Variants in ARID4B observed in about 807,000 individuals in gnomAD.
The protein encoded by ARID4B is AT-rich interactive domain-containing protein 4B.
ARID4B carries 26 observed loss-of-function variants against 147.5 expected under a neutral mutation model. The observed-to-expected ratio is 0.18, with a 90% CI of 0.13 to 0.24. The LOEUF (loss-of-function observed/expected upper bound fraction) is 0.24. ARID4B is among the 10% of genes least tolerant of loss of function. The pLI is 1.00. For synonymous variants in ARID4B, 512 were observed against 507.9 expected (o/e 1.01, Z -0.11); for missense variants, 1,179 against 1,511.5 (o/e 0.78, Z 3.65).
chr1:235,181,999 C>T lies in ARID4B; in HGVS notation c.2920G>A (p.Glu974Lys). The T allele has an allele frequency of 6.2e-7, 1 of 1,614,182 alleles. No individual in the cohort carries two copies. The highest frequency in any genetic ancestry group is 8.5e-7 in the Non-Finnish European group (1 of 1,180,038). ...ACACTGGGTGAACAACTCTCCTCTT[C>T]AGCCACAGTCTGCAGTGACTCCTCT... The part of the protein sequence containing the change: ...VAEESLQTVA[E>K]EESCSPSVEL... The change falls in exon 20 of 24, where the codon GAA becomes AAA. Residue 974 changes from glutamate to lysine, a missense_variant. Glu to Lys is a moderately conservative substitution (Grantham distance 56). This residue lies in a region of ARID4B where 357 missense variants were observed against 427.3 expected (regional missense o/e 0.84). Transcript: ENST00000264183.
chr1:235,325,140 TTATAA>T (rs1286650739), intron 2 of ARID4B, among the ~76,000 whole-genome samples: 1 of 152,174 alleles, frequency 6.6e-6, no homozygotes, highest in Non-Finnish European at 1.5e-5. Flanking sequence ...TTTGCTATAC[TTATAA>T]TAACAGGAAG....
intron 19 of ARID4B, among the ~76,000 whole-genome samples, chr1:235,183,790 T>TTCTC (rs923232580): frequency 1.1e-4 from 16 of 151,604 alleles, no homozygotes; most frequent in African/African-American, 3.9e-4. Context: ...CTTTCTTTAT[T>TTCTC]TCTCTCTCTC....
At chr1:235,275,458 G>A (rs538557769) in intron 2 of ARID4B, among the ~76,000 whole-genome samples, 1 of 152,258 alleles carries the variant, frequency 6.6e-6, no homozygotes, top group Admixed American at 6.5e-5. Flanking sequence ...TGCAGAGGGG[G>A]AAAAAGTGCA....
At chr1:235,169,970 ATAAAT>A (rs1663226749) in intron 23 of ARID4B, among the ~76,000 whole-genome samples, 1 of 152,092 alleles carries the variant, frequency 6.6e-6, no homozygotes, top group African/African-American at 2.4e-5. Flanking sequence ...CCTCTCTGTT[ATAAAT>A]TAGTGTTCAT....
Position 235,194,090 on chromosome 1 carries a change from T to C in ARID4B, c.2048A>G (p.Asp683Gly). The C allele has an allele frequency of 2.5e-6, 4 of 1,613,298 alleles. No individual in the cohort carries two copies. The highest frequency in any genetic ancestry group is 3.4e-6 in the Non-Finnish European group (4 of 1,179,288). ...ATCAGAGTTTTTGGCATCAGTGAGATCCAGTTTGGATACCATTTCAGGAGA... is the reference window on the plus strand; with the variant it reads ...ATCAGAGTTTTTGGCATCAGTGAGACCCAGTTTGGATACCATTTCAGGAGA... ...NPSPEMVSKLDLTDAKNSDTA... is the reference protein window; with the variant it reads ...NPSPEMVSKLGLTDAKNSDTA... Residue 683 changes from aspartate to glycine, a missense_variant, in exon 19 of 24, where the codon GAT becomes GGT. By Grantham distance (94) the Asp-to-Gly change is moderately conservative. This residue lies in a region of ARID4B where 321 missense variants were observed against 342.4 expected (regional missense o/e 0.94). Transcript: ENST00000264183.
intron 2 of ARID4B, among the ~76,000 whole-genome samples, chr1:235,325,601 T>C (rs1470557851): frequency 3.9e-5 from 6 of 152,162 alleles, no homozygotes; most frequent in Admixed American, 3.9e-4. Flanking sequence ...TCACCCAACA[T>C]CAAGGTACAT....
intron 17 of ARID4B, among the ~76,000 whole-genome samples, chr1:235,202,159 G>T (rs1242829952): frequency 2.0e-5 from 3 of 151,602 alleles, no homozygotes; most frequent in Admixed American, 1.3e-4. Flanking sequence ...AATTAATTTT[G>T]CAGGGCACAA....
chr1:235,302,153 GAAAAAAAAA>G (rs749154889), intron 2 of ARID4B, among the ~76,000 whole-genome samples: 28 of 30,654 alleles, frequency 9.1e-4, no homozygotes, highest in South Asian at 3.1e-3. Context: ...TCAAAAAACG[GAAAAAAAAA>G]AAAAAAAAAA....
At chr1:235,283,912 A>T (rs1671814565) in intron 2 of ARID4B, among the ~76,000 whole-genome samples, 1 of 151,080 alleles carries the variant, frequency 6.6e-6, no homozygotes, top group African/African-American at 2.4e-5. Context: ...TTTTTTTTTT[A>T]TTTTAGTAGA....
At chr1:235,257,952 T>C (rs1323743106) in intron 3 of ARID4B, among the ~76,000 whole-genome samples, 2 of 152,212 alleles carry the variant, frequency 1.3e-5, no homozygotes, top group Non-Finnish European at 2.9e-5. Flanking sequence ...AACTGAGATC[T>C]GAGCATCAGT....
chr1:235,209,817 G>A (rs1666595435), intron 17 of ARID4B, among the ~76,000 whole-genome samples: 1 of 152,082 alleles, frequency 6.6e-6, no homozygotes, highest in East Asian at 1.9e-4. Flanking sequence ...GCCCGCCTCG[G>A]CCTCCCAAAG....
intron 2 of ARID4B, among the ~76,000 whole-genome samples, chr1:235,270,694 A>C (rs1417688701): frequency 6.6e-6 from 1 of 152,224 alleles, no homozygotes; most frequent in Non-Finnish European, 1.5e-5. Context: ...TAAGTATCAA[A>C]AAAGCAAAGG....
chr1:235,193,271 C>A (rs939388727), intron 19 of ARID4B, among the ~76,000 whole-genome samples: 3 of 152,124 alleles, frequency 2.0e-5, no homozygotes, highest in Admixed American at 6.5e-5. Context: ...GTGGCATGCG[C>A]CTGCAGCTCC....
intron 2 of ARID4B, among the ~76,000 whole-genome samples, chr1:235,300,180 CTGAGGCGGGCAAACCGCT>C (rs560035401): frequency 4.3e-4 from 65 of 152,278 alleles, no homozygotes; most frequent in African/African-American, 1.4e-3. Flanking sequence ...CTTTGGGAGG[CTGAGGCGGGCAAACCGCT>C]TGAGGTCAGG....
chr1:235,272,181 A>C (rs550577305), intron 2 of ARID4B, among the ~76,000 whole-genome samples: 4 of 152,336 alleles, frequency 2.6e-5, no homozygotes, highest in South Asian at 4.1e-4. Context: ...ATATTACTGT[A>C]GTAAGCCCTT....
chr1:235,319,964 T>C (rs1446116132), intron 2 of ARID4B, among the ~76,000 whole-genome samples: 1 of 151,920 alleles, frequency 6.6e-6, no homozygotes, highest in Non-Finnish European at 1.5e-5. Context: ...CCGTCTCTAC[T>C]AAAAATACAA....
rs564944097 is a variant in ARID4B, at chr1:235,325,825, T to G, written c.6+1089A>C. Reference sequence around the variant, plus strand: ...TTAGACTAAACTTAATTACTCTGTATAGTAGACCAAGATTTAAGTAGCCAC... The same window carrying G: ...TTAGACTAAACTTAATTACTCTGTAGAGTAGACCAAGATTTAAGTAGCCAC... On this transcript the variant is annotated intron_variant, in intron 2 of 23. Coordinates refer to ENST00000264183, the MANE Select transcript of ARID4B (RefSeq NM_016374.6). Among the ~76,000 whole-genome samples, 8 of 152,352 alleles carry G rather than the reference T, an allele frequency of 5.3e-5. No homozygotes were observed. The South Asian group carries it at 1.7e-3, about 32-fold the overall frequency.
intron 2 of ARID4B, among the ~76,000 whole-genome samples, chr1:235,317,593 A>G (rs60494938): frequency 0.13 from 19,966 of 152,104 alleles, 1,520 homozygotes; most frequent in African/African-American, 0.2. Flanking sequence ...TTTCTAGTAA[A>G]CTGTTTATAT....
intron 8 of ARID4B, among the ~76,000 whole-genome samples, chr1:235,239,145 T>C (rs939818688): frequency 1.3e-5 from 2 of 152,092 alleles, no homozygotes; most frequent in African/African-American, 4.8e-5. Context: ...AATTTTTTTG[T>C]ATTTTTAGTA....
Sources: allele counts gnomAD v4.1 joint callset (sites outside exome capture counted in the v4.1 genomes callset), GRCh38; gene constraint gnomAD v4.1.1; regional missense constraint gnomAD v4.1.1; transcripts MANE v1.5; gene names NCBI Gene and HGNC (gene_info 2026-07-23, HGNC 2026-07-21).